The following ALDH1L1 variants were observed in gnomAD, a reference collection of about 807,000 sequenced individuals.
ALDH1L1 encodes aldehyde dehydrogenase 1 family member L1, also known as cytosolic 10-formyltetrahydrofolate dehydrogenase.
In ALDH1L1, 68 loss-of-function variants were observed where a neutral mutation model predicts 101.1. The observed-to-expected ratio is 0.67, with a 90% confidence interval of 0.55 to 0.82. The LOEUF is 0.82. ALDH1L1 is among the 40% of genes least tolerant of loss of function. The pLI is 0.00. For synonymous variants in ALDH1L1, 486 were observed against 470.8 expected, an observed-to-expected ratio of 1.03 and a Z score of -0.42; for missense variants, 1,087 against 1,172.7, an observed-to-expected ratio of 0.93 and a Z score of 1.07.
chr3:126,129,958 C>A, intron 14 of ALDH1L1: 1 of 303,960 alleles, frequency 3.3e-6, no homozygotes, highest in Middle Eastern at 9.1e-4. Flanking sequence ...ACACTGACCA[C>A]CATACCCATT....
intron 16 of ALDH1L1, among the ~76,000 whole-genome samples, chr3:126,120,367 C>A: frequency 6.6e-6 from 1 of 152,128 alleles, no homozygotes; most frequent in East Asian, 1.9e-4. Context: ...GTGAAAGAAG[C>A]CAAATGAAAA....
Position 126,157,374 on chromosome 3 carries a change from C to A in ALDH1L1, c.497G>T (p.Arg166Leu). ...TTTGATGCCTTCAGGGAAGAGGAAG[C>A]GGTTGTACAGCGTGCTCACGGTGTC... ...PDDTVSTLYN[R>L]FLFPEGIKGM... The change falls in exon 4 of 23, where the codon CGC becomes CTC. Residue 166 changes from arginine to leucine, a missense_variant. This residue lies in a region of ALDH1L1 where 645 missense variants were observed against 637.0 expected (regional missense o/e 1.01). Coordinates refer to ENST00000393434, the MANE Select transcript of ALDH1L1 (RefSeq NM_012190.4). 2 of 1,613,854 alleles carry A rather than the reference C, an allele frequency of 1.2e-6. No individual in the cohort carries two copies. Among genetic ancestry groups the A allele is most frequent in the Non-Finnish European group, 1.7e-6 (2 of 1,179,894 alleles).
chr3:126,120,952 T>C (rs921205356), intron 16 of ALDH1L1, among the ~76,000 whole-genome samples: 66 of 152,310 alleles, frequency 4.3e-4, no homozygotes, highest in African/African-American at 1.2e-3. Flanking sequence ...TAGAAATTCA[T>C]AGGTCACCAT....
rs778002659 is a variant in ALDH1L1, at chr3:126,105,841, G to A, written c.2538C>T (p.Ala846=). ...SGVFTRDINK[A]LYVSDKLQAG... The stretch of plus-strand genomic sequence containing the variant: ...CCTGGAGCTTGTCACTGACATACAG[G>A]GCCTTGTTGATGTCCCTGGTGAAGA... Residue 846 remains alanine, a synonymous_variant, in exon 22 of 23, where the codon GCC becomes GCT. Coordinates refer to ENST00000393434, the MANE Select transcript of ALDH1L1 (RefSeq NM_012190.4). 5.0e-6 allele frequency: 8 copies of A among 1,614,092 alleles called. No individual in the cohort carries two copies. Among genetic ancestry groups the A allele is most frequent in the African/African-American group, 2.7e-5 (2 of 74,934 alleles).
chr3:126,159,140 T>C (rs558868134), intron 2 of ALDH1L1, among the ~76,000 whole-genome samples: 1 of 152,284 alleles, frequency 6.6e-6, no homozygotes, highest in Admixed American at 6.5e-5. Context: ...TTCATCCCAG[T>C]CACAGTCGTT....
chr3:126,135,703 A>G, intron 11 of ALDH1L1, 41 bp from the exon 12 acceptor site: 4 of 1,467,736 alleles, frequency 2.7e-6, no homozygotes, highest in Middle Eastern at 1.8e-4. Context: ...TCCCTAAGCC[A>G]GTTGCACACA....
chr3:126,120,273 A>G (rs921655091), intron 16 of ALDH1L1, among the ~76,000 whole-genome samples: 2 of 152,252 alleles, frequency 1.3e-5, no homozygotes, highest in African/African-American at 4.8e-5. Flanking sequence ...TGTGAATCAG[A>G]CAAGGGAAAT....
Position 126,103,868 on chromosome 3 carries a change from A to C in ALDH1L1, c.2654-22T>G, listed in dbSNP as rs1945763753. On this transcript the variant is annotated intron_variant, in intron 22 of 22. Transcript: ENST00000393434. ...TCTCCTGTAAGACACCACAAAGGTCACAGCAGCTCCCACCACAGGCAGGGC... is the reference window on the plus strand; with the variant it reads ...TCTCCTGTAAGACACCACAAAGGTCCCAGCAGCTCCCACCACAGGCAGGGC... 11 of 1,611,218 alleles carry C rather than the reference A, an allele frequency of 6.8e-6. No homozygotes were observed. In the East Asian group the frequency reaches 1.1e-4, roughly 16 times the overall value.
At chr3:126,156,298 C>T (rs756305397) in intron 4 of ALDH1L1, 2 of 151,448 alleles carry the variant, frequency 1.3e-5, no homozygotes, top group Non-Finnish European at 2.9e-5. Context: ...AGGTAAGCTC[C>T]CTCTCTGTAC....
chr3:126,191,146 T>C (rs1272364469), intron 1 of ALDH1L1, among the ~76,000 whole-genome samples: 1 of 152,186 alleles, frequency 6.6e-6, no homozygotes, highest in Admixed American at 6.5e-5. Flanking sequence ...CAGCCAGAGG[T>C]AGCAGAGTGC....
At chr3:126,193,952 G>A (rs1030914711) in intron 1 of ALDH1L1, among the ~76,000 whole-genome samples, 2 of 152,092 alleles carry the variant, frequency 1.3e-5, no homozygotes, top group Non-Finnish European at 2.9e-5. Context: ...AAAGTTATTA[G>A]AAACCTGCAC....
intron 8 of ALDH1L1, 93 bp downstream of exon 8, chr3:126,150,313 G>T: frequency 6.7e-7 from 1 of 1,483,882 alleles, no homozygotes; most frequent in South Asian, 1.3e-5. Flanking sequence ...ACAGAGGGCT[G>T]GCGCTGCCCA....
chr3:126,116,115 C>T (rs1251728622), intron 17 of ALDH1L1, among the ~76,000 whole-genome samples: 1 of 151,468 alleles, frequency 6.6e-6, no homozygotes, highest in Non-Finnish European at 1.5e-5. Flanking sequence ...CTCCTGGCCT[C>T]AAGTGACCAG....
intron 9 of ALDH1L1, among the ~76,000 whole-genome samples, chr3:126,145,978 C>A (rs1317992901): frequency 6.6e-6 from 1 of 152,148 alleles, no homozygotes; most frequent in African/African-American, 2.4e-5. Flanking sequence ...CATTCTTCTT[C>A]TTGGCATATT....
At chr3:126,172,885 G>A (rs2081306715) in intron 1 of ALDH1L1, among the ~76,000 whole-genome samples, 1 of 152,040 alleles carries the variant, frequency 6.6e-6, no homozygotes. Context: ...TAGAGGGAGA[G>A]AGATGAGGAT....
intron 16 of ALDH1L1, among the ~76,000 whole-genome samples, chr3:126,120,691 G>A (rs1238323100): frequency 6.6e-6 from 1 of 152,156 alleles, no homozygotes; most frequent in Admixed American, 6.5e-5. Flanking sequence ...CTGTGTCTGT[G>A]TGGGGGCAGG....
At chr3:126,148,004 C>T (rs1379295483) in intron 8 of ALDH1L1, among the ~76,000 whole-genome samples, 2 of 152,158 alleles carry the variant, frequency 1.3e-5, no homozygotes, top group African/African-American at 4.8e-5. Context: ...TCCTGTGTCA[C>T]CTCTTCCCCA....
intron 14 of ALDH1L1, among the ~76,000 whole-genome samples, chr3:126,126,753 T>G (rs28532876): frequency 0.071 from 10,834 of 152,194 alleles, 1,127 homozygotes; most frequent in African/African-American, 0.23. Context: ...ACTCCCCAAT[T>G]CGTATGCTGA....
At chr3:126,192,106 C>G (rs78907748) in intron 1 of ALDH1L1, among the ~76,000 whole-genome samples, 2,279 of 152,282 alleles carry the variant, frequency 0.015, 59 homozygotes, top group African/African-American at 0.05. Context: ...AATCAATGGG[C>G]ACACTGGACA....
Sources: allele counts gnomAD v4.1 joint callset (sites outside exome capture counted in the v4.1 genomes callset), GRCh38; gene constraint gnomAD v4.1.1; regional missense constraint gnomAD v4.1.1; transcripts MANE v1.5; gene names NCBI Gene and HGNC (gene_info 2026-07-23, HGNC 2026-07-21).